Variants in CABCOCO1 observed in about 807,000 individuals in gnomAD.
CABCOCO1 encodes the protein ciliary associated calcium binding coiled-coil 1.
CABCOCO1 carries 28 observed loss-of-function variants against 35.7 expected under a neutral mutation model. That is an observed-to-expected ratio of 0.78 (90% CI 0.58 to 1.07). The LOEUF (loss-of-function observed/expected upper bound fraction) is 1.07. Ranked by LOEUF, CABCOCO1 falls within the 50% of genes least tolerant of loss-of-function variation. CABCOCO1 has a pLI of 0.00. For missense variants in CABCOCO1, 326 were observed against 309.2 expected (o/e 1.05, Z -0.41); for synonymous variants, 95 against 100.1 (o/e 0.95, Z 0.30).
At chr10:61,671,530 A>T (rs978915177) in intron 1 of CABCOCO1, among the ~76,000 whole-genome samples, 7 of 152,158 alleles carry the variant, frequency 4.6e-5, no homozygotes, top group African/African-American at 1.7e-4. Context: ...CAAAGGTGGC[A>T]TATGTATTAT....
At chr10:61,716,316 C>G (rs1307039894) in intron 5 of CABCOCO1, among the ~76,000 whole-genome samples, 1 of 152,120 alleles carries the variant, frequency 6.6e-6, no homozygotes, top group Non-Finnish European at 1.5e-5. Context: ...GCTGCCAGTC[C>G]TCTTAGAAGT....
At chr10:61,716,554 G>T (rs1840871033) in intron 5 of CABCOCO1, among the ~76,000 whole-genome samples, 1 of 151,994 alleles carries the variant, frequency 6.6e-6, no homozygotes, top group Admixed American at 6.6e-5. Context: ...CCTCTCTCTT[G>T]TATGAATTAT....
At chr10:61,752,341 CTAAG>C (rs1394736727) in intron 5 of CABCOCO1, among the ~76,000 whole-genome samples, 2 of 134,482 alleles carry the variant, frequency 1.5e-5, no homozygotes, top group African/African-American at 2.8e-5. Flanking sequence ...TAAAGAATCA[CTAAG>C]TGAGACTTTT....
chr10:61,706,502 A>G (rs907797270), intron 5 of CABCOCO1, among the ~76,000 whole-genome samples: 1 of 152,210 alleles, frequency 6.6e-6, no homozygotes, highest in Non-Finnish European at 1.5e-5. Context: ...CCTATTCAAC[A>G]TAATTAGTTA....
chr10:61,760,190 C>A lies in CABCOCO1; in HGVS notation c.675+9C>A, dbSNP rs1841980227. ...TGGATACGGAAATGAAGGTATATTT[C>A]TTTTTGTCTTTCCATTCACCCTACC... On this transcript the variant is annotated intron_variant, in intron 6 of 7. Transcript: ENST00000648843. 1 of 1,609,856 alleles carries A rather than the reference C, an allele frequency of 6.2e-7. No homozygotes were observed. Among genetic ancestry groups the A allele is most frequent in the Non-Finnish European group, 8.5e-7 (1 of 1,176,878 alleles).
intron 5 of CABCOCO1, among the ~76,000 whole-genome samples, chr10:61,720,718 T>C (rs1268488916): frequency 2.6e-5 from 4 of 151,998 alleles, no homozygotes; most frequent in Admixed American, 2.6e-4. Flanking sequence ...GACAAAACCT[T>C]CAGAGAATAC....
intron 5 of CABCOCO1, among the ~76,000 whole-genome samples, chr10:61,748,435 C>T (rs1434658266): frequency 6.6e-6 from 1 of 152,108 alleles, no homozygotes; most frequent in East Asian, 1.9e-4. Context: ...AACAAAAAGC[C>T]TCACACTTTT....
intron 1 of CABCOCO1, among the ~76,000 whole-genome samples, chr10:61,670,208 A>G (rs1839314342): frequency 6.6e-6 from 1 of 152,132 alleles, no homozygotes; most frequent in Non-Finnish European, 1.5e-5. Flanking sequence ...ATTATACTTT[A>G]CCACTCATAA....
intron 5 of CABCOCO1, among the ~76,000 whole-genome samples, chr10:61,709,412 G>A (rs1372052362): frequency 6.6e-6 from 1 of 151,982 alleles, no homozygotes; most frequent in Non-Finnish European, 1.5e-5. Context: ...TTGGAACTAA[G>A]TCAGTTTAAG....
chr10:61,677,068 AAAT>A lies in CABCOCO1; in HGVS notation c.165-4051_165-4049del, dbSNP rs60978110. 5.0e-4 allele frequency among the ~76,000 whole-genome samples: 72 copies of A among 144,332 alleles called. 1 individual carries two copies. The highest frequency in any genetic ancestry group is 3.1e-3 in the Admixed American group (45 of 14,486). The allele number at this position is 144,332 out of a possible 152,430, so 94.7% of individuals were successfully genotyped here. A position where few individuals can be genotyped will look rare whatever the true frequency, so the allele number is the denominator to read the frequency against. On this transcript the variant is annotated intron_variant, in intron 2 of 7. Transcript: ENST00000648843. ...AAAAAGAGTGAGACTCTGTCTCAAA[AAAT>A]AATAATAATAATAATAATAATAAAT...
intron 7 of CABCOCO1, among the ~76,000 whole-genome samples, chr10:61,764,119 T>C (rs1387394094): frequency 1.3e-5 from 2 of 152,164 alleles, no homozygotes; most frequent in East Asian, 3.9e-4. Context: ...AAAATCCCTA[T>C]GTGGTAGTGA....
intron 5 of CABCOCO1, among the ~76,000 whole-genome samples, chr10:61,694,881 G>A (rs1019724592): frequency 3.9e-5 from 6 of 152,092 alleles, no homozygotes; most frequent in African/African-American, 1.4e-4. Context: ...TAGGAGATCA[G>A]CCCTAGCTAC....
chr10:61,724,620 G>A (rs936248738), intron 5 of CABCOCO1, among the ~76,000 whole-genome samples: 2 of 152,248 alleles, frequency 1.3e-5, no homozygotes, highest in Admixed American at 1.3e-4. Flanking sequence ...GTTTTAGATG[G>A]GAAGGCCTTT....
At chr10:61,668,591 G>T (rs566904767) in intron 1 of CABCOCO1, among the ~76,000 whole-genome samples, 3 of 151,984 alleles carry the variant, frequency 2.0e-5, no homozygotes, top group Non-Finnish European at 2.9e-5. Flanking sequence ...ATTTTCTAAT[G>T]TATTGCCCCT....
intron 5 of CABCOCO1, among the ~76,000 whole-genome samples, chr10:61,707,307 T>G (rs1388136230): frequency 6.6e-6 from 1 of 152,170 alleles, no homozygotes. Flanking sequence ...GGTCCAGCAC[T>G]CAGGAGTGTC....
chr10:61,754,080 G>C (rs1297940214), intron 5 of CABCOCO1, among the ~76,000 whole-genome samples: 1 of 152,004 alleles, frequency 6.6e-6, no homozygotes, highest in East Asian at 1.9e-4. Flanking sequence ...TACACCTTGA[G>C]GTTTAATAAT....
At chr10:61,668,867 A>C (rs1450341130) in intron 1 of CABCOCO1, among the ~76,000 whole-genome samples, 1 of 151,902 alleles carries the variant, frequency 6.6e-6, no homozygotes, top group Non-Finnish European at 1.5e-5. Flanking sequence ...TACTTTAAAA[A>C]AATCAAACCT....
intron 5 of CABCOCO1, among the ~76,000 whole-genome samples, chr10:61,724,191 T>C (rs926465072): frequency 4.6e-5 from 7 of 152,218 alleles, no homozygotes; most frequent in African/African-American, 1.2e-4. Context: ...ACTTTCTTCA[T>C]TGATAGAAAT....
intron 4 of CABCOCO1, among the ~76,000 whole-genome samples, chr10:61,689,723 AT>A (rs748707670): frequency 1.3e-5 from 2 of 152,152 alleles, no homozygotes; most frequent in Non-Finnish European, 2.9e-5. Context: ...GTTCTTGGGC[AT>A]TTTGCTGTAT....
Sources: allele counts gnomAD v4.1 joint callset (sites outside exome capture counted in the v4.1 genomes callset), GRCh38; gene constraint gnomAD v4.1.1; transcripts MANE v1.5; gene names NCBI Gene and HGNC (gene_info 2026-07-23, HGNC 2026-07-21).